The following IGSF9B variants were observed in gnomAD, a reference collection of about 807,000 sequenced individuals.
The protein encoded by IGSF9B is protein turtle homolog B.
A neutral mutation model predicts 143.7 loss-of-function variants in IGSF9B; 48 were observed. That is an observed-to-expected ratio of 0.33 (90% CI 0.26 to 0.42). IGSF9B has a LOEUF of 0.42. Among genes scored for constraint, IGSF9B ranks in the 20% least tolerant of loss-of-function variants. The probability of loss-of-function intolerance (pLI) is 1.00; values close to 1 mark genes in which losing one functional copy is unlikely to be tolerated. For missense variants in IGSF9B, 1,706 were observed against 1,980.0 expected (o/e 0.86, Z 2.63); for synonymous variants, 903 against 833.1 (o/e 1.08, Z -1.44).
At chr11:133,942,078 C>T (rs140300879) in intron 3 of IGSF9B, among the ~76,000 whole-genome samples, 17 of 152,308 alleles carry the variant, frequency 1.1e-4, no homozygotes, top group Admixed American at 2.6e-4. Flanking sequence ...TGCTGGTAGA[C>T]TCACAAAACT....
At position 133,921,019 on chromosome 11, in the gene IGSF9B, G is replaced by A. The variant is rs766906347; in HGVS notation, c.2706C>T (p.Pro902=). Residue 902 remains proline, a synonymous_variant, in exon 18 of 20, where the codon CCC becomes CCT. Transcript: ENST00000533871. ...GGGACTTCAGGGCGGCCACAGATGTGGGCACCAGTGGGTCCTCGTTCTCCT... is the reference window on the plus strand; with the variant it reads ...GGGACTTCAGGGCGGCCACAGATGTAGGCACCAGTGGGTCCTCGTTCTCCT... ...SDEENEDPLV[P]TSVAALKSQL... is the part of the protein sequence containing the mutation. The A allele has an allele frequency of 8.1e-6, 13 of 1,613,110 alleles. No homozygotes were observed. In the African/African-American group the frequency reaches 1.7e-4, roughly 22 times the overall value.
intron 14 of IGSF9B, 126 bp from the exon 15 acceptor site, chr11:133,925,030 T>C (rs1207427755): frequency 4.1e-6 from 3 of 736,550 alleles, no homozygotes; most frequent in Non-Finnish European, 7.0e-6. Context: ...GACTGCTAAG[T>C]GTCTAATGCT....
intron 1 of IGSF9B, among the ~76,000 whole-genome samples, chr11:133,956,160 G>A (rs907496116): frequency 1.3e-5 from 2 of 152,166 alleles, no homozygotes; most frequent in Non-Finnish European, 2.9e-5. Context: ...GGAGGGGCGC[G>A]AGCGGAGCGA....
At position 133,929,724 on chromosome 11, in the gene IGSF9B, G is replaced by T. The variant is rs1262613718; in HGVS notation, c.1578C>A (p.Asn526Lys). 1.2e-6 allele frequency: 2 copies of T among 1,613,940 alleles called. No homozygotes were observed. The highest frequency in any genetic ancestry group is 1.7e-6 in the Non-Finnish European group (2 of 1,179,848). Reference sequence around the variant, plus strand: ...CATCATAGCCTGGTTCCCAGGACACGTTGGCAGTTGTCATGGAGACCTGGA... The same window carrying T: ...CATCATAGCCTGGTTCCCAGGACACTTTGGCAGTTGTCATGGAGACCTGGA... The part of the protein sequence containing the change: ...VRVQVSMTTA[N>K]VSWEPGYDGG... The change falls in exon 12 of 20, where the codon AAC (asparagine) becomes AAA (lysine). Residue 526 changes from asparagine (N) to lysine (K), a missense_variant. By Grantham distance (94) the Asn-to-Lys change is moderately conservative. Around this residue, in one of 7 missense-constraint regions of IGSF9B, gnomAD observed 267 missense variants for 321.1 expected, o/e 0.83. Coordinates refer to ENST00000533871, the MANE Select transcript of IGSF9B (RefSeq NM_001277285.4).
rs71038546 is a variant in IGSF9B, at chr11:133,948,056, C to CGTGT, written c.65-1802_65-1799dup. ...CTGTTTCTGTCTACCAGCATGTGTGCGTGTGTGTGTGTGTGTGTGTGTGTG... is the reference window on the plus strand; with the variant it reads ...CTGTTTCTGTCTACCAGCATGTGTGCGTGTGTGTGTGTGTGTGTGTGTGTGTGTG... On this transcript the variant is annotated intron_variant, in intron 1 of 19. Coordinates refer to ENST00000533871, the MANE Select transcript of IGSF9B (RefSeq NM_001277285.4). This position sits in a 1 kb window ranked among gnomAD's most constrained non-coding sequence, Gnocchi z 4.7. Among the ~76,000 whole-genome samples the CGTGT allele has an allele frequency of 0.028, 4,129 of 147,240 alleles. 157 individuals carry two copies. The highest frequency in any genetic ancestry group is 0.078 in the African/African-American group (3,062 of 39,158).
chr11:133,955,180 G>C (rs998803967), intron 1 of IGSF9B, among the ~76,000 whole-genome samples: 3 of 152,116 alleles, frequency 2.0e-5, no homozygotes, highest in African/African-American at 7.2e-5. Flanking sequence ...AGGAAATGGG[G>C]GAGAGGATGA....
chr11:133,938,697 T>A (rs1939870140), intron 3 of IGSF9B, among the ~76,000 whole-genome samples: 1 of 152,134 alleles, frequency 6.6e-6, no homozygotes, highest in Non-Finnish European at 1.5e-5. Flanking sequence ...CAGAGTCTTC[T>A]GAAATGGCAA....
chr11:133,926,635 C>T (rs1285783523), intron 13 of IGSF9B, among the ~76,000 whole-genome samples: 1 of 152,230 alleles, frequency 6.6e-6, no homozygotes, highest in African/African-American at 2.4e-5. Flanking sequence ...GCCCAATCTC[C>T]CCTGAAAGCA....
chr11:133,934,158 C>T (rs909158051), intron 7 of IGSF9B, among the ~76,000 whole-genome samples: 8 of 152,096 alleles, frequency 5.3e-5, no homozygotes, highest in Non-Finnish European at 1.0e-4. Context: ...TGGGTGGTGA[C>T]GCTGGCGCTG....
At position 133,903,515 on chromosome 11, in the gene IGSF9B, A is replaced by G. The variant is rs1358787309; in HGVS notation, c.*5554T>C. On this transcript the variant is annotated 3_prime_UTR_variant, in exon 20 of 20. Coordinates refer to ENST00000533871, the MANE Select transcript of IGSF9B (RefSeq NM_001277285.4). ...GTTCCACCAGAGTATATGGCAACCA[A>G]GATACCCAGACTCTTCCTTCTCTAA... Among the ~76,000 whole-genome samples the G allele has an allele frequency of 1.3e-5, 2 of 152,200 alleles. No individual in the cohort carries two copies. Among genetic ancestry groups the G allele is most frequent in the Non-Finnish European group, 2.9e-5 (2 of 68,046 alleles).
intron 5 of IGSF9B, 141 bp from the exon 6 acceptor site, chr11:133,936,335 A>G (rs1844702483): frequency 9.5e-6 from 7 of 735,944 alleles, no homozygotes; most frequent in Non-Finnish European, 1.6e-5. Context: ...ACACTTCCAG[A>G]TGCTATCTGT....
chr11:133,936,276 C>G (rs1346796028), intron 5 of IGSF9B, 82 bp from the exon 6 acceptor site: 1 of 1,347,392 alleles, frequency 7.4e-7, no homozygotes, highest in Admixed American at 2.0e-5. Flanking sequence ...CCCTCAGTGC[C>G]TCAGGAAGCG....
rs1939158535 is a variant in IGSF9B, at chr11:133,902,697, C to T, written c.*6372G>A. ...TGCAGAAGGACACATGAGACAATCC[C>T]TTCTCCAGCCCTGCCAGGACACCGT... is the stretch of plus-strand genomic sequence containing the variant. On this transcript the variant is annotated 3_prime_UTR_variant, in exon 20 of 20. Transcript: ENST00000533871. Among the ~76,000 whole-genome samples, 1 of 152,196 alleles carries T rather than the reference C, an allele frequency of 6.6e-6. No individual in the cohort carries two copies. Among genetic ancestry groups the T allele is most frequent in the Non-Finnish European group, 1.5e-5 (1 of 68,034 alleles).
rs112788809 is a variant in IGSF9B, at chr11:133,913,635, C to T, written c.3984-1628G>A. 1.1e-4 allele frequency among the ~76,000 whole-genome samples: 16 copies of T among 152,326 alleles called. No homozygotes were observed. Among genetic ancestry groups the T allele is most frequent in the African/African-American group, 3.8e-4 (16 of 41,570 alleles). The stretch of plus-strand genomic sequence containing the variant: ...CTACACAGGGTCCCTCAGGTGCACA[C>T]ACAGGCACACACAGCCCTCTTGTGA... On this transcript the variant is annotated intron_variant, in intron 18 of 19. Coordinates refer to ENST00000533871, the MANE Select transcript of IGSF9B (RefSeq NM_001277285.4). The surrounding 1 kb of genome is among the most constrained non-coding windows in gnomAD (Gnocchi z 4.6).
chr11:133,920,632 A>C lies in IGSF9B; in HGVS notation c.3093T>G (p.Pro1031=), dbSNP rs1323497009. The change falls in exon 18 of 20, where the codon CCT becomes CCG. Residue 1031 remains proline (P), a synonymous_variant. Coordinates refer to ENST00000533871, the MANE Select transcript of IGSF9B (RefSeq NM_001277285.4). ...AGGGCTCAGGGGAGCGCCCTCCTGT[A>C]GGTGTCTGAGTCAAGGGCAGCGTGC... ...SNSTLPLTQT[P]TGGRSPEPWG... 1.9e-6 allele frequency: 3 copies of C among 1,613,426 alleles called. No individual in the cohort carries two copies. Among genetic ancestry groups the C allele is most frequent in the South Asian group, 1.1e-5 (1 of 91,084 alleles).
intron 1 of IGSF9B, chr11:133,952,259 AGCTG>A: frequency 2.9e-6 from 1 of 342,900 alleles, no homozygotes; most frequent in South Asian, 2.2e-5. Flanking sequence ...AATGGGCATA[AGCTG>A]CCTATCCAAC....
Position 133,901,714 on chromosome 11 carries a change from A to G in IGSF9B, c.*7355T>C, listed in dbSNP as rs1046918107. 3 of 152,134 alleles carry G rather than the reference A, an allele frequency of 2.0e-5. No individual in the cohort carries two copies. Among genetic ancestry groups the G allele is most frequent in the African/African-American group, 7.2e-5 (3 of 41,418 alleles). The allele number at this position is 152,134 out of a possible 1,614,324, so 9.4% of individuals were successfully genotyped here. A position where few individuals can be genotyped will look rare whatever the true frequency, so the allele number is the denominator to read the frequency against. ...CTACCCAAACAGAAGTTGTCTAGCA[A>G]AAGAGCCAAACAAAGGAGGGTCTCC... On this transcript the variant is annotated 3_prime_UTR_variant, in exon 20 of 20. Coordinates refer to ENST00000533871, the MANE Select transcript of IGSF9B (RefSeq NM_001277285.4).
At chr11:133,952,148 T>G (rs1314674683) in intron 1 of IGSF9B, 1 of 433,994 alleles carries the variant, frequency 2.3e-6, no homozygotes, top group Non-Finnish European at 4.7e-6. Context: ...CTCCTGCTTA[T>G]TCACGCAAGA....
chr11:133,954,801 A>G (rs967099896), intron 1 of IGSF9B, among the ~76,000 whole-genome samples: 39 of 152,182 alleles, frequency 2.6e-4, no homozygotes, highest in Admixed American at 2.4e-3. Context: ...AAGACCAGCA[A>G]GGTCACCCTC....
Sources: allele counts gnomAD v4.1 joint callset (sites outside exome capture counted in the v4.1 genomes callset), GRCh38; gene constraint gnomAD v4.1.1; regional missense constraint gnomAD v4.1.1; non-coding constraint Gnocchi (gnomAD v3.1); transcripts MANE v1.5; gene names NCBI Gene and HGNC (gene_info 2026-07-23, HGNC 2026-07-21).